Variants in KRT78 observed in about 807,000 individuals in gnomAD.
KRT78 encodes the protein keratin 78, also known as keratin, type II cytoskeletal 78.
KRT78 carries 55 observed loss-of-function variants against 51.4 expected under a neutral mutation model. The observed-to-expected ratio is 1.07, with a 90% CI of 0.86 to 1.34. The LOEUF is 1.34. Ranked by LOEUF, KRT78 falls within the 40% of genes most tolerant of loss-of-function variation. The probability of loss-of-function intolerance (pLI) is 0.00; values close to 1 mark genes in which losing one functional copy is unlikely to be tolerated. For synonymous variants in KRT78, 291 were observed against 264.3 expected (o/e 1.10, Z -0.98); for missense variants, 652 against 649.4 (o/e 1.00, Z -0.04).
rs766247068 is a variant in KRT78, at chr12:52,839,155, C to A, written c.1521G>T (p.Lys507Asn). 1.2e-6 allele frequency: 2 copies of A among 1,613,500 alleles called. No individual in the cohort carries two copies. Among genetic ancestry groups the A allele is most frequent in the South Asian group, 1.1e-5 (1 of 90,802 alleles). ...SAGSSCHTILKKTVESSLKTS... is the reference protein window; with the variant it reads ...SAGSSCHTILNKTVESSLKTS... ...TCTTCAGACTCGACTCAACTGTCTT[C>A]TTCAGGATGGTGTGGCAGCTGGAGC... The change falls in exon 9 of 9, where the codon AAG (lysine) becomes AAT (asparagine). Residue 507 changes from lysine (K) to asparagine (N), a missense_variant. Transcript: ENST00000304620.
chr12:52,844,598 C>T lies in KRT78; in HGVS notation c.882G>A (p.Arg294=). Residue 294 remains arginine (R), a synonymous_variant, in exon 5 of 9, where the codon CGG becomes CGA. Coordinates refer to ENST00000304620, the MANE Select transcript of KRT78 (RefSeq NM_173352.4). ...AGGCCTCAGCCTCAGCCTTGCTGCT[C>T]CGGGCGATCTCCTCGTACCGGGCGC... is the stretch of plus-strand genomic sequence containing the variant. The part of the protein sequence containing the change: ...EVRARYEEIA[R]SSKAEAEALY... The T allele has an allele frequency of 6.2e-7, 1 of 1,614,114 alleles. No homozygotes were observed. The highest frequency in any genetic ancestry group is 8.5e-7 in the Non-Finnish European group (1 of 1,179,994).
intron 3 of KRT78, 120 bp from the exon 4 acceptor site, chr12:52,846,412 C>G: frequency 1.4e-6 from 1 of 717,646 alleles, no homozygotes; most frequent in Admixed American, 2.0e-5. Context: ...CCAAGACCCC[C>G]TCCTTCCTCC....
chr12:52,844,367 C>A, intron 5 of KRT78, 149 bp from the exon 6 acceptor site: 2 of 1,191,270 alleles, frequency 1.7e-6, no homozygotes. Flanking sequence ...TTCCAGAAGT[C>A]CAAGCTTATC....
Position 52,838,021 on chromosome 12 carries a change from G to T in KRT78, c.*1092C>A, listed in dbSNP as rs1461884736. 4 of 152,174 alleles carry T rather than the reference G, an allele frequency of 2.6e-5. No homozygotes were observed. Among genetic ancestry groups the T allele is most frequent in the Non-Finnish European group, 5.9e-5 (4 of 68,036 alleles). 9.4% of individuals were successfully genotyped at this position (152,174 alleles called of 1,614,324 possible). A position where few individuals can be genotyped will look rare whatever the true frequency, so the allele number is the denominator to read the frequency against. On this transcript the variant is annotated 3_prime_UTR_variant, in exon 9 of 9. Coordinates refer to ENST00000304620, the MANE Select transcript of KRT78 (RefSeq NM_173352.4). The stretch of plus-strand genomic sequence containing the variant: ...TTCAAGCCACATCCTCACCGGCTCT[G>T]GTCTCCTTCACACAAAGCTGAAAAG...
In KRT78 at chr12:52,846,213, T is replaced by C. The variant is rs748144683; in HGVS notation, c.740A>G (p.Lys247Arg). ...EALREYLYFL[K>R]HLNEEELGQL... The stretch of plus-strand genomic sequence containing the variant: ...GAGCCTCACTTCTTCATTCAGATGC[T>C]TCAAGAAGTAGAGGTACTCTCTCAG... The change falls in exon 4 of 9, where the codon AAG (lysine) becomes AGG (arginine). Residue 247 changes from lysine to arginine, a missense_variant. Transcript: ENST00000304620. 1 of 1,613,220 alleles carries C rather than the reference T, an allele frequency of 6.2e-7. No individual in the cohort carries two copies. The highest frequency in any genetic ancestry group is 8.5e-7 in the Non-Finnish European group (1 of 1,179,276).
intron 6 of KRT78, 78 bp from the exon 7 acceptor site, chr12:52,840,062 A>C: frequency 3.0e-6 from 3 of 1,007,202 alleles, no homozygotes; most frequent in South Asian, 2.9e-5. Flanking sequence ...TGTGGATATC[A>C]CTTGAAGGCT....
rs557027899 is a variant in KRT78, at chr12:52,844,544, C to G, written c.921+15G>C. ...AGCCATTTCCAGCATGGTGCTGCCC[C>G]CCAGGTCCCACCACCTTGGTCTGGT... is the stretch of plus-strand genomic sequence containing the variant. On this transcript the variant is annotated intron_variant, in intron 5 of 8. Transcript: ENST00000304620. 3.7e-6 allele frequency: 6 copies of G among 1,609,560 alleles called. No individual in the cohort carries two copies. Among genetic ancestry groups the G allele is most frequent in the African/African-American group, 1.3e-5 (1 of 74,992 alleles).
In KRT78 at chr12:52,848,124, G is replaced by T. The variant is rs762629427; in HGVS notation, c.385-3C>A. On this transcript the variant is annotated splice_region_variant and splice_polypyrimidine_tract_variant and intron_variant, in intron 1 of 8. Coordinates refer to ENST00000304620, the MANE Select transcript of KRT78 (RefSeq NM_173352.4). ...TTCTGCTGCTCCAGGAACCGCACCT[G>T]CAGCAAAAGCAGAGGATCCCTGAGG... 1 of 1,613,544 alleles carries T rather than the reference G, an allele frequency of 6.2e-7. No homozygotes were observed. Among genetic ancestry groups the T allele is most frequent in the Non-Finnish European group, 8.5e-7 (1 of 1,179,764 alleles).
rs1592148360 is a variant in KRT78, at chr12:52,848,982, T to C, written c.-52A>G. 3 of 1,497,640 alleles carry C rather than the reference T, an allele frequency of 2.0e-6. No individual in the cohort carries two copies. Among genetic ancestry groups the C allele is most frequent in the Admixed American group, 4.5e-5 (2 of 44,636 alleles). The allele number at this position is 1,497,640 out of a possible 1,614,324, so 92.8% of individuals were successfully genotyped here. On this transcript the variant is annotated 5_prime_UTR_variant, in exon 1 of 9. Coordinates refer to ENST00000304620, the MANE Select transcript of KRT78 (RefSeq NM_173352.4). ...CAGACGGACAGACAGATTGTCAAGG[T>C]GTGTGAGTTTCTGCCCTGGGGCCCC...
intron 6 of KRT78, among the ~76,000 whole-genome samples, chr12:52,841,472 G>A (rs1454645311): frequency 6.7e-6 from 1 of 148,158 alleles, no homozygotes; most frequent in Non-Finnish European, 1.5e-5. Context: ...GGGTGACAGA[G>A]TGAGACTCCT....
Position 52,848,835 on chromosome 12 carries a change from G to A in KRT78, c.96C>T (p.Ser32=), listed in dbSNP as rs1382934760. Residue 32 remains serine (S), a synonymous_variant, in exon 1 of 9, where the codon AGC becomes AGT. Coordinates refer to ENST00000304620, the MANE Select transcript of KRT78 (RefSeq NM_173352.4). ...GGCTCCTGCTGCTGAAGCCGCCCCT[G>A]CTGCTGAAGCCTCCCCTGCTGCGGC... The part of the protein sequence containing the change: ...SRGRSRGGFS[S]RGGFSSRSLN... 1 of 1,613,272 alleles carries A rather than the reference G, an allele frequency of 6.2e-7. No individual in the cohort carries two copies. Among genetic ancestry groups the A allele is most frequent in the Non-Finnish European group, 8.5e-7 (1 of 1,179,804 alleles).
In KRT78 at chr12:52,839,363, C is replaced by T. The variant is rs752593930; in HGVS notation, c.1313G>A (p.Gly438Glu). ...TCCTCCAGACATGACAGCGCTGCCT[C>T]CCACCGAGGCTGCCAAGAAACGCAC... The part of the protein sequence containing the change: ...CTSQVTISSV[G>E]GSAVMSGGVG... Residue 438 changes from glycine to glutamate, a missense_variant, in exon 9 of 9, where the codon GGA becomes GAA. Coordinates refer to ENST00000304620, the MANE Select transcript of KRT78 (RefSeq NM_173352.4). The T allele has an allele frequency of 1.2e-6, 2 of 1,613,598 alleles. No individual in the cohort carries two copies. Among genetic ancestry groups the T allele is most frequent in the Admixed American group, 3.3e-5 (2 of 59,950 alleles).
Position 52,846,794 on chromosome 12 carries a change from T to C in KRT78, c.630A>G (p.Thr210=), listed in dbSNP as rs1439479863. ...KYEEEAHRRA[T]LENDFVVLKK... is the part of the protein sequence containing the mutation. The stretch of plus-strand genomic sequence containing the variant: ...TGAGGACCACAAAGTCGTTCTCAAG[T>C]GTGGCACGCCTGTGGGCCTCCTCCT... Residue 210 remains threonine (T), a synonymous_variant, in exon 3 of 9, where the codon ACA becomes ACG. Coordinates refer to ENST00000304620, the MANE Select transcript of KRT78 (RefSeq NM_173352.4). 6.2e-7 allele frequency: 1 copy of C among 1,613,908 alleles called. No homozygotes were observed. The highest frequency in any genetic ancestry group is 1.3e-5 in the African/African-American group (1 of 75,036).
At chr12:52,846,414 C>A in intron 3 of KRT78, 122 bp from the exon 4 acceptor site, 1 of 718,172 alleles carries the variant, frequency 1.4e-6, no homozygotes, top group Non-Finnish European at 2.5e-6. Flanking sequence ...AAGACCCCCT[C>A]CTTCCTCCTC....
chr12:52,838,525 C>T lies in KRT78; in HGVS notation c.*588G>A, dbSNP rs993489336. On this transcript the variant is annotated 3_prime_UTR_variant, in exon 9 of 9. Transcript: ENST00000304620. ...AGCTGAGTCCCTTACCAGAGCCAGA[C>T]AGACATAGCACCCAGGACAGCAACA... The T allele has an allele frequency of 6.4e-6, 1 of 155,992 alleles. No individual in the cohort carries two copies. Among genetic ancestry groups the T allele is most frequent in the Admixed American group, 6.2e-5 (1 of 16,164 alleles). 9.7% of individuals were successfully genotyped at this position (155,992 alleles called of 1,614,324 possible). A position where few individuals can be genotyped will look rare whatever the true frequency, so the allele number is the denominator to read the frequency against.
At chr12:52,846,960 C>T in intron 2 of KRT78, 136 bp from the exon 3 acceptor site, 2 of 658,672 alleles carry the variant, frequency 3.0e-6, no homozygotes, top group South Asian at 3.6e-5. Context: ...CAGCCCTTCT[C>T]TCCTTTCCTG....
At chr12:52,846,694 C>T in intron 3 of KRT78, 70 bp downstream of exon 3, 1 of 1,365,916 alleles carries the variant, frequency 7.3e-7, no homozygotes, top group Non-Finnish European at 1.0e-6. Flanking sequence ...TTTTCCCTCC[C>T]AGCCTAGGAC....
At chr12:52,843,688 C>CAAAAAAAAAAAAAAAAAAAAAAA (rs1158055717) in intron 6 of KRT78, among the ~76,000 whole-genome samples, 6 of 63,180 alleles carry the variant, frequency 9.5e-5, no homozygotes, top group African/African-American at 2.6e-4. Flanking sequence ...GACTCTGTCT[C>CAAAAAAAAAAAAAAAAAAAAAAA]AAAAAAAAAA....
In KRT78 at chr12:52,839,007, G is replaced by T; in HGVS notation, c.*106C>A. On this transcript the variant is annotated 3_prime_UTR_variant, in exon 9 of 9. Coordinates refer to ENST00000304620, the MANE Select transcript of KRT78 (RefSeq NM_173352.4). Reference sequence around the variant, plus strand: ...TATTGATTTTTGCAGCATCCGCTGTGGGCTGGCTTGGGCTGTGGGCAGCGG... The same window carrying T: ...TATTGATTTTTGCAGCATCCGCTGTTGGCTGGCTTGGGCTGTGGGCAGCGG... 7.5e-7 allele frequency: 1 copy of T among 1,326,844 alleles called. No homozygotes were observed. The highest frequency in any genetic ancestry group is 1.0e-6 in the Non-Finnish European group (1 of 970,046). 82.2% of individuals were successfully genotyped at this position (1,326,844 alleles called of 1,614,324 possible).
Sources: gnomAD v4.1 joint callset for allele counts (sites outside exome capture counted in the v4.1 genomes callset) on GRCh38, gnomAD v4.1.1 for gene constraint, MANE v1.5 for transcripts, NCBI Gene and HGNC (gene_info 2026-07-23, HGNC 2026-07-21) for gene names.